Variants in MYO7B observed in about 807,000 individuals in gnomAD.
MYO7B encodes the protein unconventional myosin-VIIb.
In MYO7B, 212 loss-of-function variants were observed where a neutral mutation model predicts 259.7. The observed-to-expected ratio is 0.82, with a 90% confidence interval of 0.73 to 0.91. MYO7B has a LOEUF of 0.91. Ranked by LOEUF, MYO7B falls within the 40% of genes least tolerant of loss-of-function variation. The probability of loss-of-function intolerance (pLI) is 0.00; values close to 1 mark genes in which losing one functional copy is unlikely to be tolerated. For missense variants in MYO7B, 2,732 were observed against 2,813.5 expected, an observed-to-expected ratio of 0.97 and a Z score of 0.66; for synonymous variants, 1,197 against 1,166.4, an observed-to-expected ratio of 1.03 and a Z score of -0.54.
intron 4 of MYO7B, 59 bp downstream of exon 4, chr2:127,565,444 A>T (rs987891086): frequency 1.3e-6 from 2 of 1,591,628 alleles, no homozygotes; most frequent in African/African-American, 1.3e-5. Flanking sequence ...AACCTCCTGG[A>T]CAGGGAGAAG....
At chr2:127,633,617 G>A (rs542062199) in intron 40 of MYO7B, among the ~76,000 whole-genome samples, 1 of 152,340 alleles carries the variant, frequency 6.6e-6, no homozygotes, top group South Asian at 2.1e-4. Flanking sequence ...CAGAGGGGTG[G>A]GCAGCAAGGG....
chr2:127,584,212 C>T lies in MYO7B; in HGVS notation c.1434C>T (p.Arg478=), dbSNP rs1679215550. Residue 478 remains arginine (R), a synonymous_variant, in exon 13 of 48, where the codon CGC becomes CGT. Coordinates refer to ENST00000409816, the MANE Select transcript of MYO7B (RefSeq NM_001393586.1). The surrounding 1 kb of genome is among the most constrained non-coding windows in gnomAD (Gnocchi z 5.8). ...TCACCATGGAGCAAGAGGAGTACCG[C>T]TCGGAGAACATCTCCTGGGACTATA... ...HVFTMEQEEY[R]SENISWDYIH... 1.2e-6 allele frequency: 2 copies of T among 1,613,888 alleles called. No homozygotes were observed. The highest frequency in any genetic ancestry group is 1.3e-5 in the African/African-American group (1 of 74,914).
At chr2:127,549,408 C>T (rs553066195) in intron 1 of MYO7B, among the ~76,000 whole-genome samples, 24 of 152,220 alleles carry the variant, frequency 1.6e-4, no homozygotes, top group Non-Finnish European at 2.6e-4. Context: ...GAAATGATCC[C>T]GTCACCCAGG....
intron 12 of MYO7B, among the ~76,000 whole-genome samples, chr2:127,583,006 C>G (rs1245822952): frequency 3.9e-5 from 6 of 152,182 alleles, no homozygotes; most frequent in African/African-American, 1.4e-4. Context: ...GTGAGGGGAC[C>G]AGGCAACGGA....
chr2:127,635,237 G>C lies in MYO7B; in HGVS notation c.5820+11G>C, dbSNP rs773283088. Reference sequence around the variant, plus strand: ...CTCCATTACCACCAGGTACCGGGCAGGCTGCCCTGGTGGGCACTGGGGCCA... The same window carrying C: ...CTCCATTACCACCAGGTACCGGGCACGCTGCCCTGGTGGGCACTGGGGCCA... On this transcript the variant is annotated intron_variant, in intron 43 of 47. Coordinates refer to ENST00000409816, the MANE Select transcript of MYO7B (RefSeq NM_001393586.1). 6.8e-6 allele frequency: 11 copies of C among 1,608,674 alleles called. No individual in the cohort carries two copies. The African/African-American group carries it at 1.2e-4, about 18-fold the overall frequency.
Position 127,559,189 on chromosome 2 carries a change from A to T in MYO7B, c.-23-511A>T, listed in dbSNP as rs957789702. Among the ~76,000 whole-genome samples the T allele has an allele frequency of 1.3e-5, 2 of 152,184 alleles. No individual in the cohort carries two copies. Among genetic ancestry groups the T allele is most frequent in the African/African-American group, 4.8e-5 (2 of 41,444 alleles). ...CCTCTAGAACCACCAGGTGCTAAGGACAGGTTTGAAAGGAGGCAGATCCGG... is the reference window on the plus strand; with the variant it reads ...CCTCTAGAACCACCAGGTGCTAAGGTCAGGTTTGAAAGGAGGCAGATCCGG... On this transcript the variant is annotated intron_variant, in intron 1 of 47. Coordinates refer to ENST00000409816, the MANE Select transcript of MYO7B (RefSeq NM_001393586.1). This position sits in a 1 kb window ranked among gnomAD's most constrained non-coding sequence, Gnocchi z 4.1.
Position 127,607,399 on chromosome 2 carries a change from G to A in MYO7B, c.2618G>A (p.Arg873His), listed in dbSNP as rs548467824. Reference protein sequence around the residue: ...QAHARGMAARRNFQQRKANAP... With the variant: ...QAHARGMAARHNFQQRKANAP... ...CATGCCAGGGGCATGGCTGCCCGGC[G>A]CAACTTCCAGCAAAGGAAGGCCAAT... The change falls in exon 21 of 48, where the codon CGC becomes CAC. Residue 873 changes from arginine to histidine, a missense_variant. Physicochemically the swap from Arg to His is conservative, Grantham distance 29. Around this residue, in one of 3 missense-constraint regions of MYO7B, gnomAD observed 1,906 missense variants for 2,026.4 expected, o/e 0.94. Transcript: ENST00000409816. This position sits in a 1 kb window ranked among gnomAD's most constrained non-coding sequence, Gnocchi z 4.4. The A allele has an allele frequency of 4.9e-4, 758 of 1,551,124 alleles. 4 individuals are homozygous for A. Among genetic ancestry groups the A allele is most frequent in the East Asian group, 1.5e-3 (60 of 40,914 alleles).
At position 127,559,619 on chromosome 2, in the gene MYO7B, A is replaced by C. The variant is rs13404073; in HGVS notation, c.-23-81A>C. 4.2e-3 allele frequency: 5,682 copies of C among 1,361,670 alleles called. 184 individuals are homozygous for C. The African/African-American group carries it at 0.072, about 17-fold the overall frequency. 84.3% of individuals were successfully genotyped at this position (1,361,670 alleles called of 1,614,324 possible). A position where few individuals can be genotyped will look rare whatever the true frequency, so the allele number is the denominator to read the frequency against. ...CCGGGCACTTAGGGAAGTGTTGGTGAACAAGCCCAGCTCCTGTGCTCCAGG... is the reference window on the plus strand; with the variant it reads ...CCGGGCACTTAGGGAAGTGTTGGTGCACAAGCCCAGCTCCTGTGCTCCAGG... On this transcript the variant is annotated intron_variant, in intron 1 of 47. Transcript: ENST00000409816. The surrounding 1 kb of genome is among the most constrained non-coding windows in gnomAD (Gnocchi z 4.1).
intron 11 of MYO7B, 93 bp from the exon 12 acceptor site, chr2:127,582,211 G>A (rs568571273): frequency 1.3e-6 from 2 of 1,514,330 alleles, no homozygotes; most frequent in East Asian, 4.8e-5. Flanking sequence ...ATCCACAGTA[G>A]GTCCAAGACA....
In MYO7B at chr2:127,559,557, C is replaced by T. The variant is rs1677981332; in HGVS notation, c.-23-143C>T. The stretch of plus-strand genomic sequence containing the variant: ...TGGGCTAGGACTGTGACTCATTCAT[C>T]CATTTATTCAGCATTGTTTTTGAGC... On this transcript the variant is annotated intron_variant, in intron 1 of 47. Transcript: ENST00000409816. This position sits in a 1 kb window ranked among gnomAD's most constrained non-coding sequence, Gnocchi z 4.1. 9.9e-6 allele frequency: 7 copies of T among 710,310 alleles called. No individual in the cohort carries two copies. Among genetic ancestry groups the T allele is most frequent in the Non-Finnish European group, 1.7e-5 (7 of 400,354 alleles). The allele number at this position is 710,310 out of a possible 1,614,324, so 44.0% of individuals were successfully genotyped here. A position where few individuals can be genotyped will look rare whatever the true frequency, so the allele number is the denominator to read the frequency against.
chr2:127,625,745 C>T (rs931208857), intron 31 of MYO7B, among the ~76,000 whole-genome samples: 1 of 152,198 alleles, frequency 6.6e-6, no homozygotes, highest in African/African-American at 2.4e-5. Context: ...CCCATGCCAC[C>T]TTCTTCCTTC....
Position 127,636,960 on chromosome 2 carries a change from G to A in MYO7B, c.6327+47G>A. The A allele has an allele frequency of 6.2e-7, 1 of 1,601,956 alleles. No individual in the cohort carries two copies. The highest frequency in any genetic ancestry group is 8.5e-7 in the Non-Finnish European group (1 of 1,179,280). On this transcript the variant is annotated intron_variant, in intron 47 of 47. Transcript: ENST00000409816. The surrounding 1 kb of genome is among the most constrained non-coding windows in gnomAD (Gnocchi z 4.5). Reference sequence around the variant, plus strand: ...CATCCAAGATGCATAGGACAGAGCTGCTGGAGACTGGGTTCCCCACCCTCA... The same window carrying A: ...CATCCAAGATGCATAGGACAGAGCTACTGGAGACTGGGTTCCCCACCCTCA...
At position 127,581,191 on chromosome 2, in the gene MYO7B, G is replaced by A. The variant is rs576993814; in HGVS notation, c.1080+369G>A. Among the ~76,000 whole-genome samples, 28 of 152,170 alleles carry A rather than the reference G, an allele frequency of 1.8e-4. No individual in the cohort carries two copies. In the South Asian group the frequency reaches 2.1e-3, roughly 11 times the overall value. On this transcript the variant is annotated intron_variant, in intron 10 of 47. Coordinates refer to ENST00000409816, the MANE Select transcript of MYO7B (RefSeq NM_001393586.1). ...TAGCCCTGCCCTGTGCCCTCACCCC[G>A]CAGGGCTTCTCCGGGGCTTGCACTA...
chr2:127,585,304 C>T lies in MYO7B; in HGVS notation c.1690+391C>T, dbSNP rs1679259498. ...TTAATTTCTGTCTCTATGGATTTGC[C>T]TATTCTGACTTTTTGCATAAATGGA... is the stretch of plus-strand genomic sequence containing the variant. On this transcript the variant is annotated intron_variant, in intron 14 of 47. Coordinates refer to ENST00000409816, the MANE Select transcript of MYO7B (RefSeq NM_001393586.1). The surrounding 1 kb of genome is among the most constrained non-coding windows in gnomAD (Gnocchi z 4.3). Among the ~76,000 whole-genome samples, 1 of 152,280 alleles carries T rather than the reference C, an allele frequency of 6.6e-6. No individual in the cohort carries two copies. Among genetic ancestry groups the T allele is most frequent in the African/African-American group, 2.4e-5 (1 of 41,556 alleles).
rs182095536 is a variant in MYO7B, at chr2:127,614,593, C to A, written c.3398+1990C>A. 1.1e-4 allele frequency among the ~76,000 whole-genome samples: 16 copies of A among 152,180 alleles called. No homozygotes were observed. In the East Asian group the frequency reaches 3.1e-3, roughly 29 times the overall value. ...CAATCAACAGGCTCTATTCTAGTAC[C>A]CTGGGAGGTGGCAAATGGGCTTCTG... On this transcript the variant is annotated intron_variant, in intron 26 of 47. Coordinates refer to ENST00000409816, the MANE Select transcript of MYO7B (RefSeq NM_001393586.1). The surrounding 1 kb of genome is among the most constrained non-coding windows in gnomAD (Gnocchi z 4.6).
At chr2:127,608,639 G>T in intron 21 of MYO7B, 69 bp from the exon 22 acceptor site, 2 of 1,512,128 alleles carry the variant, frequency 1.3e-6, no homozygotes, top group East Asian at 2.4e-5. Flanking sequence ...TTGCCCTGTG[G>T]GGTAGGCAGG....
chr2:127,588,501 C>G lies in MYO7B; in HGVS notation c.1800C>G (p.Thr600=). The G allele has an allele frequency of 6.2e-7, 1 of 1,613,256 alleles. No individual in the cohort carries two copies. The highest frequency in any genetic ancestry group is 8.5e-7 in the Non-Finnish European group (1 of 1,179,858). The change falls in exon 15 of 48, where the codon ACC becomes ACG. Residue 600 remains threonine, a synonymous_variant. Transcript: ENST00000409816. ...REIFNLELAE[T]KLGHGTIRQA... ...TATTCAACTTGGAGTTAGCAGAGAC[C>G]AAGCTGGGCCATGGGACCATCCGCC...
intron 12 of MYO7B, among the ~76,000 whole-genome samples, chr2:127,582,713 G>A (rs964132742): frequency 6.7e-6 from 1 of 148,768 alleles, no homozygotes; most frequent in Non-Finnish European, 1.5e-5. Context: ...GAGCCAGAGT[G>A]GATTATCACA....
Position 127,571,442 on chromosome 2 carries a change from G to GTTTTTTTTTTTTTTTTT in MYO7B, c.592+1533_592+1549dup. Among the ~76,000 whole-genome samples the GTTTTTTTTTTTTTTTTT allele has an allele frequency of 3.6e-3, 149 of 41,824 alleles. 12 individuals are homozygous for GTTTTTTTTTTTTTTTTT. Among genetic ancestry groups the GTTTTTTTTTTTTTTTTT allele is most frequent in the East Asian group, 7.5e-3 (5 of 664 alleles). The allele number at this position is 41,824 out of a possible 152,430, so 27.4% of individuals were successfully genotyped here. A position where few individuals can be genotyped will look rare whatever the true frequency, so the allele number is the denominator to read the frequency against. On this transcript the variant is annotated intron_variant, in intron 6 of 47. Coordinates refer to ENST00000409816, the MANE Select transcript of MYO7B (RefSeq NM_001393586.1). The stretch of plus-strand genomic sequence containing the variant: ...AATTGGTCTATTTCCTTACCAGTGA[G>GTTTTTTTTTTTTTTTTT]TTTTTTTTTTTTTTTTTGCTTGTTT...
Sources: allele counts gnomAD v4.1 joint callset (sites outside exome capture counted in the v4.1 genomes callset), GRCh38; gene constraint gnomAD v4.1.1; regional missense constraint gnomAD v4.1.1; non-coding constraint Gnocchi (gnomAD v3.1); transcripts MANE v1.5; gene names NCBI Gene and HGNC (gene_info 2026-07-23, HGNC 2026-07-21).